CAMKMT: variants seen among roughly 807,000 people sequenced by gnomAD.
CAMKMT encodes calmodulin-lysine N-methyltransferase, also known as CaM KMT.
A neutral mutation model predicts 48.0 loss-of-function variants in CAMKMT; 53 were observed. The ratio of observed to expected loss-of-function variants is 1.10; its 90% CI spans 0.89 to 1.39. The LOEUF (loss-of-function observed/expected upper bound fraction) is 1.39. Ranked by LOEUF, CAMKMT falls within the 40% of genes most tolerant of loss-of-function variation. The pLI, the probability that CAMKMT is intolerant of heterozygous loss-of-function variation, is 0.00. For synonymous variants in CAMKMT, 165 were observed against 152.3 expected (o/e 1.08, Z -0.61); for missense variants, 428 against 402.7 (o/e 1.06, Z -0.54).
intron 3 of CAMKMT, among the ~76,000 whole-genome samples, chr2:44,441,449 C>G (rs1666655759): frequency 6.6e-6 from 1 of 152,102 alleles, no homozygotes; most frequent in Non-Finnish European, 1.5e-5. Flanking sequence ...AGAACTAAGA[C>G]TCTATCTGCT....
intron 3 of CAMKMT, among the ~76,000 whole-genome samples, chr2:44,671,678 A>AT (rs1021844042): frequency 6.6e-6 from 1 of 152,074 alleles, no homozygotes; most frequent in Non-Finnish European, 1.5e-5. Flanking sequence ...ATTTTCAGGG[A>AT]TTTTTTTGGT....
intron 3 of CAMKMT, among the ~76,000 whole-genome samples, chr2:44,644,148 C>G (rs1170310790): frequency 6.6e-6 from 1 of 152,230 alleles, no homozygotes; most frequent in African/African-American, 2.4e-5. Context: ...GCCGAGGAAT[C>G]TGAATCCAGT....
At chr2:44,750,669 C>T (rs1037095390) in intron 8 of CAMKMT, among the ~76,000 whole-genome samples, 1 of 152,168 alleles carries the variant, frequency 6.6e-6, no homozygotes, top group African/African-American at 2.4e-5. Context: ...TCAACGTTTT[C>T]GTCTACTGTG....
At chr2:44,470,794 T>G (rs2104649596) in intron 3 of CAMKMT, among the ~76,000 whole-genome samples, 1 of 152,300 alleles carries the variant, frequency 6.6e-6, no homozygotes, top group South Asian at 2.1e-4. Context: ...TTATTTACAT[T>G]TATTGATTAC....
chr2:44,368,865 C>G (rs1029396365), intron 1 of CAMKMT, among the ~76,000 whole-genome samples: 1 of 151,908 alleles, frequency 6.6e-6, no homozygotes, highest in East Asian at 1.9e-4. Flanking sequence ...TATAATAAGA[C>G]CCTGTATTAT....
intron 3 of CAMKMT, among the ~76,000 whole-genome samples, chr2:44,546,135 G>A (rs993209130): frequency 3.4e-5 from 5 of 145,480 alleles, no homozygotes; most frequent in South Asian, 2.2e-4. Context: ...TTTTGGATCT[G>A]GCTATCTTAG....
rs1318265630 is a variant in CAMKMT, at chr2:44,589,420, A to G, written c.377-114863A>G. Among the ~76,000 whole-genome samples, 7 of 53,584 alleles carry G rather than the reference A, an allele frequency of 1.3e-4. 3 individuals carry two copies. Among genetic ancestry groups the G allele is most frequent in the South Asian group, 1.5e-3 (2 of 1,372 alleles). 35.2% of individuals were successfully genotyped at this position (53,584 alleles called of 152,430 possible). ...TCATTGGGGATGGGCCATGATGACA[A>G]TGGCGGTTTTGTGGAATAGAAAGGC... On this transcript the variant is annotated intron_variant, in intron 3 of 10. Transcript: ENST00000378494.
chr2:44,627,511 A>C (rs1409787710), intron 3 of CAMKMT, among the ~76,000 whole-genome samples: 1 of 152,022 alleles, frequency 6.6e-6, no homozygotes, highest in Non-Finnish European at 1.5e-5. Flanking sequence ...ATCCATCTGA[A>C]CCTGGAGTGT....
At chr2:44,693,753 A>G (rs570876002) in intron 3 of CAMKMT, among the ~76,000 whole-genome samples, 3 of 152,376 alleles carry the variant, frequency 2.0e-5, no homozygotes, top group African/African-American at 7.2e-5. Flanking sequence ...AAATGAGCCC[A>G]GGAAGCTTCC....
chr2:44,435,674 G>A (rs2104548547), intron 3 of CAMKMT, among the ~76,000 whole-genome samples: 1 of 152,230 alleles, frequency 6.6e-6, no homozygotes, highest in Non-Finnish European at 1.5e-5. Context: ...GCTATTATTT[G>A]GTATGTCTTT....
chr2:44,405,964 A>T (rs1342466115), intron 3 of CAMKMT, among the ~76,000 whole-genome samples: 6 of 152,160 alleles, frequency 3.9e-5, no homozygotes. Flanking sequence ...CCTTTTTGTT[A>T]TGGTAACTGA....
Position 44,467,674 on chromosome 2 carries a change from G to C in CAMKMT, c.376+77369G>C, listed in dbSNP as rs565422330. Among the ~76,000 whole-genome samples the C allele has an allele frequency of 3.9e-5, 6 of 152,204 alleles. No homozygotes were observed. In the East Asian group the frequency reaches 1.2e-3, roughly 29 times the overall value. On this transcript the variant is annotated intron_variant, in intron 3 of 10. Coordinates refer to ENST00000378494, the MANE Select transcript of CAMKMT (RefSeq NM_024766.5). ...ATGAAAACTAACATGTAGACCAATA[G>C]AATACAGAACCAAGAAATAAGTTTG...
At chr2:44,367,001 A>G (rs1299778596) in intron 1 of CAMKMT, among the ~76,000 whole-genome samples, 2 of 152,086 alleles carry the variant, frequency 1.3e-5, no homozygotes, top group Non-Finnish European at 2.9e-5. Context: ...CTGGGATTAC[A>G]CGTGTGAGCC....
At chr2:44,386,257 A>C (rs968384962) in intron 2 of CAMKMT, among the ~76,000 whole-genome samples, 1 of 151,862 alleles carries the variant, frequency 6.6e-6, no homozygotes, top group African/African-American at 2.4e-5. Context: ...TAGGAGGGTT[A>C]TATTTTTCCA....
chr2:44,506,448 C>T (rs146694035), intron 3 of CAMKMT, among the ~76,000 whole-genome samples: 7 of 152,114 alleles, frequency 4.6e-5, no homozygotes, highest in Non-Finnish European at 8.8e-5. Flanking sequence ...AGTTATTTTT[C>T]ATATTTCTTT....
At chr2:44,642,707 T>C (rs1480847089) in intron 3 of CAMKMT, among the ~76,000 whole-genome samples, 3 of 151,940 alleles carry the variant, frequency 2.0e-5, no homozygotes, top group Admixed American at 1.3e-4. Flanking sequence ...TAAACTACTC[T>C]GGGGGAGAGA....
chr2:44,596,401 CAT>C (rs146837127), intron 3 of CAMKMT, among the ~76,000 whole-genome samples: 2,061 of 151,906 alleles, frequency 0.014, 103 homozygotes, highest in Admixed American at 0.1. Flanking sequence ...ATGAACTAAA[CAT>C]GTGCCACTGC....
intron 3 of CAMKMT, among the ~76,000 whole-genome samples, chr2:44,404,550 C>A (rs1682647405): frequency 2.0e-5 from 3 of 152,146 alleles, no homozygotes; most frequent in Admixed American, 6.5e-5. Flanking sequence ...ATTCAAATAG[C>A]ATGCCCTATT....
intron 3 of CAMKMT, among the ~76,000 whole-genome samples, chr2:44,579,509 A>G (rs1329373269): frequency 6.6e-6 from 1 of 152,232 alleles, no homozygotes; most frequent in African/African-American, 2.4e-5. Flanking sequence ...ATTGCGAGGT[A>G]GAAGCTGCAT....
Sources: allele counts gnomAD v4.1 joint callset (sites outside exome capture counted in the v4.1 genomes callset), GRCh38; gene constraint gnomAD v4.1.1; transcripts MANE v1.5; gene names NCBI Gene and HGNC (gene_info 2026-07-23, HGNC 2026-07-21).